Variants in KSR1 observed in about 807,000 individuals in gnomAD.
The protein encoded by KSR1 is kinase suppressor of ras 1.
KSR1 carries 35 observed loss-of-function variants against 92.9 expected under a neutral mutation model. The ratio of observed to expected loss-of-function variants is 0.38; its 90% CI spans 0.29 to 0.50. The LOEUF (loss-of-function observed/expected upper bound fraction) is 0.50. Ranked by LOEUF, KSR1 falls within the 20% of genes least tolerant of loss-of-function variation. The pLI is 0.94. For missense variants in KSR1, 972 were observed against 1,158.5 expected (o/e 0.84, Z 2.34); for synonymous variants, 467 against 472.6 (o/e 0.99, Z 0.15).
At chr17:27,523,653 C>G (rs895015439) in intron 1 of KSR1, among the ~76,000 whole-genome samples, 4 of 152,078 alleles carry the variant, frequency 2.6e-5, no homozygotes, top group African/African-American at 9.7e-5. Context: ...TAAAAGAAGT[C>G]TGGATGTAGG....
chr17:27,497,225 G>A (rs953333999), intron 1 of KSR1, among the ~76,000 whole-genome samples: 1 of 152,230 alleles, frequency 6.6e-6, no homozygotes, highest in Non-Finnish European at 1.5e-5. Context: ...TCCAGATGGT[G>A]AGTGAAGGAC....
chr17:27,483,860 C>A (rs1447208017), intron 1 of KSR1: 6 of 152,252 alleles, frequency 3.9e-5, no homozygotes, highest in Non-Finnish European at 4.4e-5. Flanking sequence ...AGGTGACCCC[C>A]TCCAACGTTT....
At position 27,577,725 on chromosome 17, in the gene KSR1, C is replaced by T; in HGVS notation, c.520+86C>T. On this transcript the variant is annotated intron_variant, in intron 3 of 20. Transcript: ENST00000644974. The surrounding 1 kb of genome is among the most constrained non-coding windows in gnomAD (Gnocchi z 4.5). ...CACTATGGTGGGTGATGGAGCGGGGCAAGCGTGGCCCAGGGTTTCTGGGGC... is the reference window on the plus strand; with the variant it reads ...CACTATGGTGGGTGATGGAGCGGGGTAAGCGTGGCCCAGGGTTTCTGGGGC... The T allele has an allele frequency of 3.4e-6, 4 of 1,164,490 alleles. No individual in the cohort carries two copies. Among genetic ancestry groups the T allele is most frequent in the Non-Finnish European group, 5.0e-6 (4 of 807,594 alleles). 72.1% of individuals were successfully genotyped at this position (1,164,490 alleles called of 1,614,324 possible).
rs1041717335 is a variant in KSR1, at chr17:27,623,668, G to A, written c.*276G>A. On this transcript the variant is annotated 3_prime_UTR_variant, in exon 21 of 21. Coordinates refer to ENST00000644974, the MANE Select transcript of KSR1 (RefSeq NM_001394583.1). The stretch of plus-strand genomic sequence containing the variant: ...TGAGTGAACCTGATGTTTTACAATA[G>A]GTAATAATAAAAACAGTCTGTGCAG... The A allele has an allele frequency of 1.7e-6, 1 of 598,864 alleles. No individual in the cohort carries two copies. The highest frequency in any genetic ancestry group is 2.9e-6 in the Non-Finnish European group (1 of 341,536). The allele number at this position is 598,864 out of a possible 1,614,324, so 37.1% of individuals were successfully genotyped here.
chr17:27,550,777 G>A lies in KSR1; in HGVS notation c.372+69G>A, dbSNP rs138540859. 3,556 of 720,444 alleles carry A rather than the reference G, an allele frequency of 4.9e-3. 25 individuals carry two copies. Among genetic ancestry groups the A allele is most frequent in the South Asian group, 9.2e-3 (665 of 71,988 alleles). 44.6% of individuals were successfully genotyped at this position (720,444 alleles called of 1,614,324 possible). ...AAGCAGAGGGAACACACACAAACCCGAGGGCTAGCTTCCCCGTGGCTAAGA... is the reference window on the plus strand; with the variant it reads ...AAGCAGAGGGAACACACACAAACCCAAGGGCTAGCTTCCCCGTGGCTAAGA... On this transcript the variant is annotated intron_variant, in intron 2 of 20. Coordinates refer to ENST00000644974, the MANE Select transcript of KSR1 (RefSeq NM_001394583.1).
At chr17:27,576,159 C>G (rs1283973407) in intron 2 of KSR1, among the ~76,000 whole-genome samples, 1 of 152,158 alleles carries the variant, frequency 6.6e-6, no homozygotes, top group Admixed American at 6.5e-5. Context: ...GTTACCAGCT[C>G]AAGAGAACCC....
chr17:27,564,763 C>CAGT (rs1295178093), intron 2 of KSR1, among the ~76,000 whole-genome samples: 5 of 133,270 alleles, frequency 3.8e-5, no homozygotes, highest in African/African-American at 1.5e-4. Flanking sequence ...CCCCCACCCA[C>CAGT]AGTAGGCTCA....
At position 27,459,646 on chromosome 17, in the gene KSR1, A is replaced by G. The variant is rs776223561; in HGVS notation, c.231+2772A>G. Among the ~76,000 whole-genome samples, 9 of 152,190 alleles carry G rather than the reference A, an allele frequency of 5.9e-5. No homozygotes were observed. Among genetic ancestry groups the G allele is most frequent in the Non-Finnish European group, 1.3e-4 (9 of 68,036 alleles). ...TTCCTGGCTTTTGAAGAAGGATCTG[A>G]CCTGGAGGGCTTGGCCTGTGCAACT... On this transcript the variant is annotated intron_variant, in intron 1 of 20. Coordinates refer to ENST00000644974, the MANE Select transcript of KSR1 (RefSeq NM_001394583.1). The surrounding 1 kb of genome is among the most constrained non-coding windows in gnomAD (Gnocchi z 4.6).
At chr17:27,526,972 T>C in intron 1 of KSR1, 1 of 575,562 alleles carries the variant, frequency 1.7e-6, no homozygotes. Context: ...TGGGCCATAA[T>C]TGTTTTAGTC....
intron 2 of KSR1, among the ~76,000 whole-genome samples, chr17:27,558,718 C>A (rs201021097): frequency 8.6e-6 from 1 of 116,366 alleles, no homozygotes; most frequent in Non-Finnish European, 1.9e-5. Flanking sequence ...TTTTTTTTTT[C>A]TTTGGAAGGG....
At chr17:27,602,411 A>AACATTGGG (rs2073598119) in intron 11 of KSR1, among the ~76,000 whole-genome samples, 2 of 152,220 alleles carry the variant, frequency 1.3e-5, no homozygotes, top group Non-Finnish European at 2.9e-5. Flanking sequence ...ATTACCCCAA[A>AACATTGGG]ACATTGGGAA....
chr17:27,486,088 A>G (rs2068655094), intron 1 of KSR1, among the ~76,000 whole-genome samples: 1 of 152,236 alleles, frequency 6.6e-6, no homozygotes, highest in Admixed American at 6.5e-5. Context: ...AAGTATTAGA[A>G]TTTGGATTAA....
chr17:27,613,876 T>A (rs2073987589), intron 18 of KSR1, among the ~76,000 whole-genome samples: 1 of 152,248 alleles, frequency 6.6e-6, no homozygotes. Flanking sequence ...CGATCTTGGC[T>A]CACTGCAACC....
intron 1 of KSR1, among the ~76,000 whole-genome samples, chr17:27,521,512 G>T (rs1224167108): frequency 6.6e-6 from 1 of 152,032 alleles, no homozygotes; most frequent in Admixed American, 6.5e-5. Context: ...GCTCACTGGA[G>T]CCCTGACTTC....
chr17:27,620,215 G>A (rs1418902049), intron 19 of KSR1, among the ~76,000 whole-genome samples: 1 of 152,210 alleles, frequency 6.6e-6, no homozygotes, highest in Non-Finnish European at 1.5e-5. Flanking sequence ...TCTTAGGATG[G>A]GTCGGAGTCC....
At chr17:27,478,688 C>T (rs2068416677) in intron 1 of KSR1, among the ~76,000 whole-genome samples, 1 of 152,046 alleles carries the variant, frequency 6.6e-6, no homozygotes, top group Non-Finnish European at 1.5e-5. Flanking sequence ...CCATGGATCA[C>T]CATTGGAGGA....
intron 16 of KSR1, 44 bp downstream of exon 16, chr17:27,609,373 G>A (rs1008335649): frequency 1.2e-6 from 2 of 1,609,408 alleles, no homozygotes; most frequent in Non-Finnish European, 8.5e-7. Context: ...GGTGCTGGAT[G>A]GGGAAGAGCA....
At chr17:27,593,073 A>T (rs147156157) in intron 9 of KSR1, among the ~76,000 whole-genome samples, 1 of 152,228 alleles carries the variant, frequency 6.6e-6, no homozygotes, top group African/African-American at 2.4e-5. Flanking sequence ...TCAGTTGTTC[A>T]TTAAAGCAAT....
chr17:27,597,816 C>G (rs1212993663), intron 10 of KSR1, among the ~76,000 whole-genome samples: 1 of 152,202 alleles, frequency 6.6e-6, no homozygotes, highest in Non-Finnish European at 1.5e-5. Context: ...TGGCCAGCAA[C>G]ACAGGGAGCT....
Sources: gnomAD v4.1 joint callset for allele counts (sites outside exome capture counted in the v4.1 genomes callset) on GRCh38, gnomAD v4.1.1 for gene constraint, Gnocchi (gnomAD v3.1) non-coding constraint, MANE v1.5 for transcripts, NCBI Gene and HGNC (gene_info 2026-07-23, HGNC 2026-07-21) for gene names.